Variants in PRH1 observed in about 807,000 individuals in gnomAD.
The protein encoded by PRH1 is proline rich protein HaeIII subfamily 1.
A neutral mutation model predicts 7.9 loss-of-function variants in PRH1; 7 were observed. The observed-to-expected ratio is 0.89, with a 90% CI of 0.50 to 1.67. The LOEUF (loss-of-function observed/expected upper bound fraction) is 1.67, where lower values mean the gene tolerates loss of function less well. Ranked by LOEUF, PRH1 falls within the 40% of genes most tolerant of loss-of-function variation. PRH1 has a pLI of 0.00. For missense variants in PRH1, 109 were observed against 223.6 expected (o/e 0.49, Z 3.27); for synonymous variants, 45 against 80.8 (o/e 0.56, Z 2.38).
At chr12:10,926,650 G>A (rs555317541) in intron 2 of PRH1, among the ~76,000 whole-genome samples, 129 of 152,308 alleles carry the variant, frequency 8.5e-4, no homozygotes, top group Non-Finnish European at 1.9e-4. Flanking sequence ...CTCCAGGAGA[G>A]AGCATTGTGG....
intron 1 of PRH1, chr12:10,986,594 A>C (rs1939643445): frequency 6.2e-7 from 1 of 1,613,996 alleles, no homozygotes; most frequent in Admixed American, 1.7e-5. Context: ...GGTTGGTTAC[A>C]ACCCAGGCAT....
intron 2 of PRH1, chr12:10,939,175 G>A (rs1460339472): frequency 3.1e-6 from 5 of 1,594,694 alleles, no homozygotes; most frequent in Non-Finnish European, 4.3e-6. Flanking sequence ...CAATTAAAAC[G>A]AATGTAAATA....
At chr12:10,945,173 C>T (rs1329241420) in intron 2 of PRH1, among the ~76,000 whole-genome samples, 4 of 152,128 alleles carry the variant, frequency 2.6e-5, no homozygotes, top group African/African-American at 4.8e-5. Flanking sequence ...GGCTGTGAAT[C>T]CAGCAGGTCT....
intron 2 of PRH1, among the ~76,000 whole-genome samples, chr12:10,924,506 T>C (rs1181730118): frequency 2.0e-5 from 3 of 152,178 alleles, no homozygotes; most frequent in African/African-American, 7.2e-5. Context: ...TCTACAATGA[T>C]CCAACTCAAT....
chr12:10,935,665 C>T (rs1375489141), intron 2 of PRH1, among the ~76,000 whole-genome samples: 1 of 152,148 alleles, frequency 6.6e-6, no homozygotes, highest in East Asian at 1.9e-4. Flanking sequence ...TGTTCTATGG[C>T]TGTTAAATCT....
chr12:11,150,282 G>A (rs1457903004), intron 1 of PRH1, among the ~76,000 whole-genome samples: 6 of 151,780 alleles, frequency 4.0e-5, no homozygotes, highest in Admixed American at 1.3e-4. Context: ...GGGATCTAGA[G>A]CTAGAAATAC....
At chr12:11,110,236 A>T (rs1055397464) in intron 1 of PRH1, among the ~76,000 whole-genome samples, 1 of 152,206 alleles carries the variant, frequency 6.6e-6, no homozygotes, top group Non-Finnish European at 1.5e-5. Flanking sequence ...CAAAGTTGGA[A>T]AACACTCTTC....
chr12:11,048,825 A>G (rs1943019232), upstream of PRH1: 2 of 284,456 alleles, frequency 7.0e-6, no homozygotes, highest in Non-Finnish European at 1.4e-5. Context: ...TTATCAGAGC[A>G]AGATTACAAA....
intron 2 of PRH1, chr12:10,909,028 C>T: frequency 6.2e-7 from 1 of 1,613,724 alleles, no homozygotes; most frequent in East Asian, 2.2e-5. Context: ...TGATTAGAAA[C>T]TATCCAGCTA....
upstream of PRH1, among the ~76,000 whole-genome samples, chr12:11,050,461 T>C (rs1943096767): frequency 6.6e-6 from 1 of 152,152 alleles, no homozygotes; most frequent in African/African-American, 2.4e-5. Flanking sequence ...CTCATTCTGG[T>C]AAACTCACAA....
chr12:11,026,515 C>A (rs542630634), intron 1 of PRH1, among the ~76,000 whole-genome samples: 1 of 151,702 alleles, frequency 6.6e-6, no homozygotes, highest in African/African-American at 2.4e-5. Flanking sequence ...ATAGCAGGAC[C>A]AAAGGGAAGC....
chr12:10,940,044 T>G (rs1950372386), intron 2 of PRH1, among the ~76,000 whole-genome samples: 1 of 152,190 alleles, frequency 6.6e-6, no homozygotes, highest in Non-Finnish European at 1.5e-5. Context: ...CAGATGGTTT[T>G]TTAAAGTTAA....
In PRH1 at chr12:11,135,481, C is replaced by T. The variant is rs1266448301; in HGVS notation, n.40-14301G>A. 5.6e-5 allele frequency among the ~76,000 whole-genome samples: 6 copies of T among 106,740 alleles called. No individual in the cohort carries two copies. The East Asian group carries it at 1.1e-3, about 20-fold the overall frequency. The allele number at this position is 106,740 out of a possible 152,430, so 70.0% of individuals were successfully genotyped here. A position where few individuals can be genotyped will look rare whatever the true frequency, so the allele number is the denominator to read the frequency against. On this transcript the variant is annotated intron_variant and non_coding_transcript_variant, in intron 1 of 1. Coordinates refer to the PRH1 transcript ENST00000541175. Reference sequence around the variant, plus strand: ...GACCTCCAAGATGCAGAATTTGGCCCATCTCAAGTCACCAGAGCTATCCAA... The same window carrying T: ...GACCTCCAAGATGCAGAATTTGGCCTATCTCAAGTCACCAGAGCTATCCAA...
chr12:11,167,261 C>G (rs1287708919), intron 1 of PRH1, among the ~76,000 whole-genome samples: 1 of 152,172 alleles, frequency 6.6e-6, no homozygotes, highest in Non-Finnish European at 1.5e-5. Context: ...CTGGCAATTA[C>G]AGACCACTCC....
chr12:11,117,357 A>C (rs2136316217), downstream of PRH1, among the ~76,000 whole-genome samples: 1 of 152,246 alleles, frequency 6.6e-6, no homozygotes, highest in African/African-American at 2.4e-5. Context: ...AACTCAGCCA[A>C]AGAGATGAAA....
At chr12:11,107,599 T>TA (rs1945459769) in intron 1 of PRH1, among the ~76,000 whole-genome samples, 1 of 152,122 alleles carries the variant, frequency 6.6e-6, no homozygotes, top group African/African-American at 2.4e-5. Flanking sequence ...AAGAAATTGT[T>TA]AAAAAATAAC....
At chr12:11,010,035 A>G (rs1940997517) in intron 1 of PRH1, among the ~76,000 whole-genome samples, 1 of 151,942 alleles carries the variant, frequency 6.6e-6, no homozygotes. Context: ...TGCCTTTCTA[A>G]TTAAGGAATT....
intron 1 of PRH1, among the ~76,000 whole-genome samples, chr12:11,040,592 G>A (rs1208336619): frequency 2.0e-5 from 3 of 152,184 alleles, no homozygotes; most frequent in Non-Finnish European, 4.4e-5. Context: ...GATAGCATTA[G>A]GAGAAATACC....
chr12:10,967,072 G>T (rs369035107), intron 2 of PRH1, among the ~76,000 whole-genome samples: 1 of 144,596 alleles, frequency 6.9e-6, no homozygotes, highest in South Asian at 2.2e-4. Context: ...CGGAGATGGC[G>T]CCACCGCACT....
Sources: gnomAD v4.1 joint callset for allele counts (sites outside exome capture counted in the v4.1 genomes callset) on GRCh38, gnomAD v4.1.1 for gene constraint, MANE v1.5 for transcripts, NCBI Gene and HGNC (gene_info 2026-07-23, HGNC 2026-07-21) for gene names.